LAMC3: variants seen among roughly 807,000 people sequenced by gnomAD.
The protein encoded by LAMC3 is laminin subunit gamma 3.
In LAMC3, 128 loss-of-function variants were observed where a neutral mutation model predicts 173.8. The observed-to-expected ratio is 0.74, with a 90% CI of 0.64 to 0.85. The LOEUF (loss-of-function observed/expected upper bound fraction) is 0.85, where lower values mean the gene tolerates loss of function less well. Ranked by LOEUF, LAMC3 falls within the 40% of genes least tolerant of loss-of-function variation. LAMC3 has a pLI of 0.00. For missense variants in LAMC3, 2,022 were observed against 2,156.0 expected (o/e 0.94, Z 1.23); for synonymous variants, 897 against 909.1 (o/e 0.99, Z 0.24).
At chr9:131,062,244 C>T (rs1215997894) in intron 13 of LAMC3, among the ~76,000 whole-genome samples, 3 of 151,706 alleles carry the variant, frequency 2.0e-5, no homozygotes, top group Non-Finnish European at 1.5e-5. Flanking sequence ...GCCTGTAGTC[C>T]CAGTTACTCG....
intron 27 of LAMC3, 65 bp downstream of exon 27, chr9:131,087,882 G>T (rs1474596809): frequency 1.6e-6 from 2 of 1,229,284 alleles, no homozygotes; most frequent in Non-Finnish European, 2.4e-6. Flanking sequence ...GGATCTTCCT[G>T]TGAGCTCCAG....
At position 131,074,773 on chromosome 9, in the gene LAMC3, C is replaced by T. The variant is rs541125555; in HGVS notation, c.3495-1058C>T. 1.8e-4 allele frequency among the ~76,000 whole-genome samples: 27 copies of T among 151,438 alleles called. No homozygotes were observed. The East Asian group carries it at 3.7e-3, about 21-fold the overall frequency. On this transcript the variant is annotated intron_variant, in intron 20 of 27. Coordinates refer to ENST00000361069, the MANE Select transcript of LAMC3 (RefSeq NM_006059.4). ...CTGTGACAATTTTCTCCTTTAGCTA[C>T]GCTCCAGGGACCTTAGACTTATTTT... is the stretch of plus-strand genomic sequence containing the variant.
intron 1 of LAMC3, among the ~76,000 whole-genome samples, chr9:131,010,916 G>A (rs1001918597): frequency 2.0e-5 from 3 of 152,208 alleles, no homozygotes; most frequent in African/African-American, 7.2e-5. Flanking sequence ...TCTGTGGCCG[G>A]GTAAGCGCCA....
intron 24 of LAMC3, among the ~76,000 whole-genome samples, chr9:131,083,250 T>C (rs1423856020): frequency 6.6e-6 from 1 of 152,138 alleles, no homozygotes; most frequent in Non-Finnish European, 1.5e-5. Context: ...TACCTTCTCA[T>C]TGTCGGGTTC....
intron 11 of LAMC3, among the ~76,000 whole-genome samples, chr9:131,055,180 A>C (rs1432347925): frequency 6.6e-6 from 1 of 152,060 alleles, no homozygotes; most frequent in African/African-American, 2.4e-5. Context: ...TCAAAGAGGG[A>C]GCATTTTCCA....
intron 3 of LAMC3, among the ~76,000 whole-genome samples, chr9:131,034,780 C>T (rs1281305693): frequency 2.0e-5 from 3 of 152,188 alleles, no homozygotes; most frequent in Admixed American, 6.5e-5. Flanking sequence ...CTCACAGGGT[C>T]AGGCTCTGCC....
chr9:131,034,662 C>T (rs1268008116), intron 3 of LAMC3, among the ~76,000 whole-genome samples: 1 of 152,232 alleles, frequency 6.6e-6, no homozygotes, highest in Non-Finnish European at 1.5e-5. Context: ...TAATGTCCCT[C>T]CCACCTCTGG....
At chr9:131,031,289 G>A (rs547833499) in intron 2 of LAMC3, among the ~76,000 whole-genome samples, 1 of 152,130 alleles carries the variant, frequency 6.6e-6, no homozygotes. Flanking sequence ...GAAAATGTCA[G>A]TCTTCACGTG....
At chr9:131,015,937 C>T (rs576245556) in intron 1 of LAMC3, among the ~76,000 whole-genome samples, 5 of 152,280 alleles carry the variant, frequency 3.3e-5, no homozygotes, top group African/African-American at 7.2e-5. Context: ...GGAATACAGG[C>T]GTGAGCCACG....
Position 131,091,655 on chromosome 9 carries a change from G to A in LAMC3, c.4596G>A (p.Leu1532=), listed in dbSNP as rs1380673850. The change falls in exon 28 of 28, where the codon CTG becomes CTA. Residue 1532 remains leucine (L), a synonymous_variant. Transcript: ENST00000361069. The part of the protein sequence containing the change: ...PGSLQRKLSL[L]EQESQQQELQ... ...CCTTGCAGAGGAAACTCAGTCTGCT[G>A]GAGCAGGAATCCCAGCAGCAGGAGC... The A allele has an allele frequency of 6.2e-7, 1 of 1,607,180 alleles. No individual in the cohort carries two copies. The highest frequency in any genetic ancestry group is 8.5e-7 in the Non-Finnish European group (1 of 1,177,146).
At position 131,069,668 on chromosome 9, in the gene LAMC3, C is replaced by G; in HGVS notation, c.2891-4C>G. ...CCAGCACGCACTGCCCCTGGCCCCT[C>G]TAGCCTGCAGGTGCTCCCCACTGGG... On this transcript the variant is annotated splice_region_variant and splice_polypyrimidine_tract_variant and intron_variant, in intron 16 of 27. Transcript: ENST00000361069. 6.3e-7 allele frequency: 1 copy of G among 1,599,924 alleles called. No individual in the cohort carries two copies. Among genetic ancestry groups the G allele is most frequent in the East Asian group, 2.3e-5 (1 of 44,302 alleles).
Position 131,009,309 on chromosome 9 carries a change from C to T in LAMC3, c.95C>T (p.Pro32Leu). The change falls in exon 1 of 28, where the codon CCG becomes CTG. Residue 32 changes from proline (P) to leucine (L), a missense_variant. Physicochemically the swap from Pro to Leu is moderately conservative, Grantham distance 98. Transcript: ENST00000361069. The surrounding 1 kb of genome is among the most constrained non-coding windows in gnomAD (Gnocchi z 4.3). ...MGACYDGAGR[P>L]QRCLPVFENA... ...GCGTGCTATGACGGCGCAGGGCGCCCGCAGCGCTGCCTGCCGGTGTTCGAG... is the reference window on the plus strand; with the variant it reads ...GCGTGCTATGACGGCGCAGGGCGCCTGCAGCGCTGCCTGCCGGTGTTCGAG... The T allele has an allele frequency of 2.1e-6, 3 of 1,453,068 alleles. No homozygotes were observed. The highest frequency in any genetic ancestry group is 1.5e-5 in the African/African-American group (1 of 67,298). The allele number at this position is 1,453,068 out of a possible 1,614,324, so 90.0% of individuals were successfully genotyped here. A position where few individuals can be genotyped will look rare whatever the true frequency, so the allele number is the denominator to read the frequency against.
In LAMC3 at chr9:131,029,274, A is replaced by G. The variant is rs1008792869; in HGVS notation, c.678+2685A>G. ...ACGTCCAGGCCCTGCTTGTCCCACT[A>G]AAATTGTACATGTCACCATGATTTT... On this transcript the variant is annotated intron_variant, in intron 2 of 27. Coordinates refer to ENST00000361069, the MANE Select transcript of LAMC3 (RefSeq NM_006059.4). The surrounding 1 kb of genome is among the most constrained non-coding windows in gnomAD (Gnocchi z 4.6). Among the ~76,000 whole-genome samples, 28 of 152,210 alleles carry G rather than the reference A, an allele frequency of 1.8e-4. No homozygotes were observed. Among genetic ancestry groups the G allele is most frequent in the Non-Finnish European group, 7.3e-5 (5 of 68,044 alleles).
chr9:131,060,356 A>G (rs573177894), intron 12 of LAMC3, among the ~76,000 whole-genome samples: 21 of 152,312 alleles, frequency 1.4e-4, no homozygotes, highest in African/African-American at 4.8e-4. Context: ...AAATAATAAC[A>G]GTGCTGGCCG....
intron 11 of LAMC3, 143 bp from the exon 12 acceptor site, chr9:131,056,786 T>C (rs1433697203): frequency 4.1e-6 from 3 of 730,160 alleles, no homozygotes; most frequent in Non-Finnish European, 7.4e-6. Context: ...TGAGAATCTG[T>C]CTCAAAAAAA....
chr9:131,040,358 T>C (rs1834026993), intron 6 of LAMC3, among the ~76,000 whole-genome samples: 1 of 152,024 alleles, frequency 6.6e-6, no homozygotes. Context: ...TTGTATTTTT[T>C]GGTAGAGATG....
Position 131,057,142 on chromosome 9 carries a change from A to G in LAMC3, c.2153A>G (p.Asn718Ser). ...AACCAGCATGGCACCTGTGACCCCAACACAGGTGAGTCTCCTGGCACCCCA... is the reference window on the plus strand; with the variant it reads ...AACCAGCATGGCACCTGTGACCCCAGCACAGGTGAGTCTCCTGGCACCCCA... Reference protein sequence around the residue: ...TCNQHGTCDPNTGICVCSHHT... With the variant: ...TCNQHGTCDPSTGICVCSHHT... The change falls in exon 12 of 28, where the codon AAC becomes AGC. Residue 718 changes from asparagine to serine, a missense_variant. Asn to Ser is a conservative substitution (Grantham distance 46). Coordinates refer to ENST00000361069, the MANE Select transcript of LAMC3 (RefSeq NM_006059.4). The G allele has an allele frequency of 6.2e-7, 1 of 1,612,832 alleles. No homozygotes were observed. The highest frequency in any genetic ancestry group is 8.5e-7 in the Non-Finnish European group (1 of 1,178,940).
intron 2 of LAMC3, among the ~76,000 whole-genome samples, chr9:131,027,922 C>A (rs930093295): frequency 2.6e-5 from 4 of 152,264 alleles, no homozygotes; most frequent in Non-Finnish European, 5.9e-5. Flanking sequence ...CGGCACCTAT[C>A]TGTGTCCACG....
chr9:131,081,938 C>T, intron 23 of LAMC3, 121 bp from the exon 24 acceptor site: 3 of 722,672 alleles, frequency 4.2e-6, no homozygotes, highest in Non-Finnish European at 7.5e-6. Flanking sequence ...CAGCGTGACC[C>T]AGCGTCAGGG....
Sources: gnomAD v4.1 joint callset for allele counts (sites outside exome capture counted in the v4.1 genomes callset) on GRCh38, gnomAD v4.1.1 for gene constraint, Gnocchi (gnomAD v3.1) non-coding constraint, MANE v1.5 for transcripts, NCBI Gene and HGNC (gene_info 2026-07-23, HGNC 2026-07-21) for gene names.